Variants in MTFR1L observed in about 807,000 individuals in gnomAD.
MTFR1L encodes mitochondrial fission regulator 1-like.
A neutral mutation model predicts 27.9 loss-of-function variants in MTFR1L; 10 were observed. The ratio of observed to expected loss-of-function variants is 0.36; its 90% confidence interval spans 0.22 to 0.61. The LOEUF (loss-of-function observed/expected upper bound fraction) is 0.61. Among genes scored for constraint, MTFR1L ranks in the 20% least tolerant of loss-of-function variants. MTFR1L has a pLI of 0.73. For missense variants in MTFR1L, 315 were observed against 363.7 expected, an observed-to-expected ratio of 0.87 and a Z score of 1.09; for synonymous variants, 151 against 139.4, an observed-to-expected ratio of 1.08 and a Z score of -0.58.
chr1:25,822,937 GT>G, intron 1 of MTFR1L, 81 bp from the exon 2 acceptor site: 5 of 1,268,786 alleles, frequency 3.9e-6, no homozygotes, highest in Non-Finnish European at 5.7e-6. Context: ...GCAGGGCCTG[GT>G]TTTTTGGGGC....
intron 1 of MTFR1L, 50 bp downstream of exon 1, chr1:25,820,079 C>T (rs2048065299): frequency 2.4e-6 from 1 of 419,752 alleles, no homozygotes; most frequent in Non-Finnish European, 4.6e-6. Context: ...ACCTTCCAGC[C>T]CGTTAGTAGA....
rs546585337 is a variant in MTFR1L at position 25,826,706 on chromosome 1, G to A, written c.331G>A (p.Glu111Lys). 31 of 1,614,006 alleles carry A rather than the reference G, an allele frequency of 1.9e-5. No individual in the cohort carries two copies. The highest frequency in any genetic ancestry group is 3.3e-5 in the South Asian group (3 of 91,080). ...CTCTGTTCCCAACCTGCGTGGGTCC[G>A]AGGAGAGGCTTCTGGCCCTGAAGAA... is the stretch of plus-strand genomic sequence containing the variant. ...NASVPNLRGS[E>K]ERLLALKKPA... Residue 111 changes from glutamate to lysine, a missense_variant, in exon 5 of 7, where the codon GAG (glutamate) becomes AAG (lysine). By Grantham distance (56) the Glu-to-Lys change is moderately conservative (BLOSUM62 1). Transcript: ENST00000374303. This position sits in a 1 kb window ranked among gnomAD's most constrained non-coding sequence, Gnocchi z 4.1.
Position 25,832,270 on chromosome 1 carries a change from A to G in MTFR1L, c.*244A>G, listed in dbSNP as rs2048255573. ...TTCAGGTAATCGTGTAGAATGAAGTATCTTAGTTTAAAGGGTAAGAGAGAA... is the reference window on the plus strand; with the variant it reads ...TTCAGGTAATCGTGTAGAATGAAGTGTCTTAGTTTAAAGGGTAAGAGAGAA... On this transcript the variant is annotated 3_prime_UTR_variant, in exon 7 of 7. Coordinates refer to ENST00000374303, the MANE Select transcript of MTFR1L (RefSeq NM_001099625.2). The G allele has an allele frequency of 2.5e-6, 3 of 1,200,386 alleles. No individual in the cohort carries two copies. Among genetic ancestry groups the G allele is most frequent in the South Asian group, 1.4e-5 (1 of 73,004 alleles). The allele number at this position is 1,200,386 out of a possible 1,614,324, so 74.4% of individuals were successfully genotyped here.
chr1:25,822,385 G>A lies in MTFR1L; in HGVS notation c.-86-634G>A, dbSNP rs553516841. The A allele has an allele frequency of 1.9e-5, 3 of 153,890 alleles. No individual in the cohort carries two copies. In the South Asian group the frequency reaches 6.2e-4, roughly 32 times the overall value. The allele number at this position is 153,890 out of a possible 1,614,324, so 9.5% of individuals were successfully genotyped here. On this transcript the variant is annotated intron_variant, in intron 1 of 6. Transcript: ENST00000374303. Reference sequence around the variant, plus strand: ...ATCTCATCTTCAAGAATGAATCCTGGGCTTGGATAGTACTTATAATTTGGC... The same window carrying A: ...ATCTCATCTTCAAGAATGAATCCTGAGCTTGGATAGTACTTATAATTTGGC...
In MTFR1L at chr1:25,826,656, C is replaced by G. The variant is rs1572249678; in HGVS notation, c.281C>G (p.Pro94Arg). The change falls in exon 5 of 7, where the codon CCT (proline) becomes CGT (arginine). Residue 94 changes from proline to arginine, a missense_variant. By Grantham distance (103) the Pro-to-Arg change is moderately radical. Coordinates refer to ENST00000374303, the MANE Select transcript of MTFR1L (RefSeq NM_001099625.2). This position sits in a 1 kb window ranked among gnomAD's most constrained non-coding sequence, Gnocchi z 4.1. ...CTGAGGCACACCTGGAAACCCAGCC[C>G]TCTGATTGTCATGCAGCGCAATGCC... ...RPLRHTWKPS[P>R]LIVMQRNASV... The G allele has an allele frequency of 6.2e-7, 1 of 1,614,248 alleles. No homozygotes were observed. The highest frequency in any genetic ancestry group is 8.5e-7 in the Non-Finnish European group (1 of 1,180,056).
chr1:25,825,306 CAATTT>C (rs753977281), intron 3 of MTFR1L, among the ~76,000 whole-genome samples: 1 of 151,892 alleles, frequency 6.6e-6, no homozygotes. Flanking sequence ...GGACTCTTAC[CAATTT>C]ATTTTGAAAA....
At chr1:25,820,073 T>A (rs1368755654) in intron 1 of MTFR1L, 44 bp downstream of exon 1, 3 of 415,058 alleles carry the variant, frequency 7.2e-6, no homozygotes, top group East Asian at 7.6e-5. Flanking sequence ...AGCGCGACCT[T>A]CCAGCCCGTT....
rs2048165409 is a variant in MTFR1L at position 25,826,202 on chromosome 1, A to T, written c.130-100A>T. 1.0e-6 allele frequency: 1 copy of T among 958,864 alleles called. No individual in the cohort carries two copies. The allele number at this position is 958,864 out of a possible 1,614,324, so 59.4% of individuals were successfully genotyped here. A position where few individuals can be genotyped will look rare whatever the true frequency, so the allele number is the denominator to read the frequency against. On this transcript the variant is annotated intron_variant, in intron 3 of 6. Coordinates refer to ENST00000374303, the MANE Select transcript of MTFR1L (RefSeq NM_001099625.2). The surrounding 1 kb of genome is among the most constrained non-coding windows in gnomAD (Gnocchi z 4.1). ...CTGCCCCCTCTAGGAAGCCTTCCTG[A>T]CACCCAGTGCCGGATTAGGTACCCC...
intron 1 of MTFR1L, chr1:25,820,686 C>A (rs955516331): frequency 2.3e-6 from 1 of 427,896 alleles, no homozygotes; most frequent in African/African-American, 2.1e-5. Context: ...GTGCTGCCGG[C>A]GAACCGGGGG....
At chr1:25,821,683 A>T (rs536197439) in intron 1 of MTFR1L, 1 of 152,406 alleles carries the variant, frequency 6.6e-6, no homozygotes, top group South Asian at 2.1e-4. Context: ...TTGTAGCTTT[A>T]TCATGCTCTG....
intron 3 of MTFR1L, among the ~76,000 whole-genome samples, chr1:25,824,075 A>G (rs1011847504): frequency 3.2e-4 from 49 of 152,226 alleles, no homozygotes; most frequent in African/African-American, 1.0e-3. Flanking sequence ...AGGTCTCCCT[A>G]TGTTGCCCAG....
chr1:25,832,064 G>C lies in MTFR1L; in HGVS notation c.*38G>C. 6.2e-7 allele frequency: 1 copy of C among 1,613,834 alleles called. No individual in the cohort carries two copies. Among genetic ancestry groups the C allele is most frequent in the Non-Finnish European group, 8.5e-7 (1 of 1,179,960 alleles). ...CTGCAAACTCAGTCTCATGCTCCTG[G>C]AATACCTTCAATAGCTGCCTTCCTC... On this transcript the variant is annotated 3_prime_UTR_variant, in exon 7 of 7. Transcript: ENST00000374303.
intron 1 of MTFR1L, 180 bp from the exon 2 acceptor site, chr1:25,822,839 A>G: frequency 1.7e-6 from 1 of 595,488 alleles, no homozygotes; most frequent in Non-Finnish European, 2.9e-6. Flanking sequence ...GATCTTTAAC[A>G]GAACCTTTAA....
chr1:25,829,120 G>A (rs985418148), intron 5 of MTFR1L, among the ~76,000 whole-genome samples: 11 of 152,130 alleles, frequency 7.2e-5, no homozygotes, highest in Admixed American at 5.9e-4. Context: ...GATTTCAAAG[G>A]AGCATAGTCA....
rs769236139 is a variant in MTFR1L, at chr1:25,826,258, C to T, written c.130-44C>T. On this transcript the variant is annotated intron_variant, in intron 3 of 6. Transcript: ENST00000374303. The surrounding 1 kb of genome is among the most constrained non-coding windows in gnomAD (Gnocchi z 4.1). ...TGTATTCTGCAGTTTCTGATTGGCT[C>T]ATCATGGCATCTGTAAATGTTGATG... The T allele has an allele frequency of 4.5e-6, 7 of 1,557,030 alleles. No homozygotes were observed. Among genetic ancestry groups the T allele is most frequent in the Admixed American group, 3.4e-5 (2 of 59,372 alleles).
At position 25,826,591 on chromosome 1, in the gene MTFR1L, T is replaced by G. The variant is rs1189735642; in HGVS notation, c.240-24T>G. 1.2e-6 allele frequency: 2 copies of G among 1,613,806 alleles called. No homozygotes were observed. Among genetic ancestry groups the G allele is most frequent in the Non-Finnish European group, 1.7e-6 (2 of 1,179,790 alleles). On this transcript the variant is annotated intron_variant, in intron 4 of 6. Transcript: ENST00000374303. The surrounding 1 kb of genome is among the most constrained non-coding windows in gnomAD (Gnocchi z 4.1). ...ACAGTGGCCTGCTGTCTCTAACTGA[T>G]CTACTTGGTTTTCCCTGGTCCAGGA...
Position 25,826,876 on chromosome 1 carries a change from CTGGCTCT to C in MTFR1L, c.451+54_451+60del. On this transcript the variant is annotated intron_variant, in intron 5 of 6. Transcript: ENST00000374303. This position sits in a 1 kb window ranked among gnomAD's most constrained non-coding sequence, Gnocchi z 4.1. ...GAACGTAACAGGCTGTTCCTTTCCC[CTGGCTCT>C]TGGGCAGGATAGGGGTAAAGAAAGT... 1 of 1,592,072 alleles carries C rather than the reference CTGGCTCT, an allele frequency of 6.3e-7. No homozygotes were observed. The highest frequency in any genetic ancestry group is 8.6e-7 in the Non-Finnish European group (1 of 1,166,790).
rs2048165561 is a variant in MTFR1L at position 25,826,213 on chromosome 1, C to T, written c.130-89C>T. The T allele has an allele frequency of 1.3e-5, 14 of 1,107,932 alleles. No homozygotes were observed. The highest frequency in any genetic ancestry group is 1.6e-5 in the African/African-American group (1 of 64,192). The allele number at this position is 1,107,932 out of a possible 1,614,324, so 68.6% of individuals were successfully genotyped here. On this transcript the variant is annotated intron_variant, in intron 3 of 6. Coordinates refer to ENST00000374303, the MANE Select transcript of MTFR1L (RefSeq NM_001099625.2). This position sits in a 1 kb window ranked among gnomAD's most constrained non-coding sequence, Gnocchi z 4.1. ...AGGAAGCCTTCCTGACACCCAGTGC[C>T]GGATTAGGTACCCCTCCTGTGTATT... is the stretch of plus-strand genomic sequence containing the variant.
At chr1:25,824,233 A>G (rs72877495) in intron 3 of MTFR1L, among the ~76,000 whole-genome samples, 1 of 152,188 alleles carries the variant, frequency 6.6e-6, no homozygotes, top group South Asian at 2.1e-4. Context: ...TTTTTGGCCA[A>G]TCTGGGCATC....
Sources: gnomAD v4.1 joint callset for allele counts (sites outside exome capture counted in the v4.1 genomes callset) on GRCh38, gnomAD v4.1.1 for gene constraint, Gnocchi (gnomAD v3.1) non-coding constraint, MANE v1.5 for transcripts, NCBI Gene and HGNC (gene_info 2026-07-23, HGNC 2026-07-21) for gene names.